Variants in CNTN5 observed in about 807,000 individuals in gnomAD.
CNTN5 encodes the protein contactin 5, also known as contactin-5.
A neutral mutation model predicts 129.1 loss-of-function variants in CNTN5; 77 were observed. The ratio of observed to expected loss-of-function variants is 0.60; its 90% CI spans 0.50 to 0.72. The LOEUF is 0.72. Ranked by LOEUF, CNTN5 falls within the 30% of genes least tolerant of loss-of-function variation. CNTN5 has a pLI of 0.00. For synonymous variants in CNTN5, 509 were observed against 465.6 expected (o/e 1.09, Z -1.20); for missense variants, 1,478 against 1,328.8 (o/e 1.11, Z -1.75).
At chr11:99,451,134 A>G (rs1944287348) in intron 2 of CNTN5, among the ~76,000 whole-genome samples, 2 of 152,096 alleles carry the variant, frequency 1.3e-5, no homozygotes, top group South Asian at 4.1e-4. Flanking sequence ...ACTCAGTGAG[A>G]CCTGAGATTA....
At chr11:99,726,012 T>G (rs1389923674) in intron 3 of CNTN5, among the ~76,000 whole-genome samples, 1 of 152,246 alleles carries the variant, frequency 6.6e-6, no homozygotes, top group African/African-American at 2.4e-5. Flanking sequence ...CTTATTTGGC[T>G]ATTCTGAAGT....
intron 1 of CNTN5, among the ~76,000 whole-genome samples, chr11:99,236,560 A>G (rs1023091667): frequency 2.6e-5 from 4 of 152,030 alleles, no homozygotes; most frequent in African/African-American, 9.7e-5. Context: ...TACTAAATTT[A>G]TAATCTAAGA....
chr11:100,152,122 G>T (rs534156751), intron 13 of CNTN5, among the ~76,000 whole-genome samples: 3 of 152,230 alleles, frequency 2.0e-5, no homozygotes, highest in African/African-American at 7.2e-5. Flanking sequence ...CCACCACCCT[G>T]TGGCTTGGCT....
At chr11:99,806,586 A>C (rs2135500642) in intron 3 of CNTN5, among the ~76,000 whole-genome samples, 1 of 152,168 alleles carries the variant, frequency 6.6e-6, no homozygotes, top group South Asian at 2.1e-4. Context: ...AGGTGGGCAG[A>C]TCATGAGGTC....
chr11:99,803,109 T>C lies in CNTN5; in HGVS notation c.56-16435T>C, dbSNP rs1160725114. On this transcript the variant is annotated intron_variant, in intron 3 of 24. Coordinates refer to ENST00000524871, the MANE Select transcript of CNTN5 (RefSeq NM_014361.4). ...GAGCAAATAGTGCCCCCCTGCACCA[T>C]GATCTGTGTCCAGAAAGGACGGGGT... 2.0e-5 allele frequency among the ~76,000 whole-genome samples: 3 copies of C among 152,094 alleles called. No homozygotes were observed. In the East Asian group the frequency reaches 5.8e-4, roughly 29 times the overall value.
At chr11:99,665,291 TAGAG>T (rs1418124191) in intron 3 of CNTN5, among the ~76,000 whole-genome samples, 2 of 152,090 alleles carry the variant, frequency 1.3e-5, no homozygotes, top group African/African-American at 4.8e-5. Context: ...TTAAGAAAGT[TAGAG>T]AGCATCTACA....
At chr11:99,936,692 G>A (rs979324889) in intron 7 of CNTN5, among the ~76,000 whole-genome samples, 1 of 152,174 alleles carries the variant, frequency 6.6e-6, no homozygotes, top group African/African-American at 2.4e-5. Flanking sequence ...GCAGCCAGAT[G>A]TGACTAAGAA....
At chr11:99,918,228 A>T (rs376070665) in intron 7 of CNTN5, among the ~76,000 whole-genome samples, 1 of 152,098 alleles carries the variant, frequency 6.6e-6, no homozygotes, top group South Asian at 2.1e-4. Context: ...TTGCTTTCGC[A>T]CACTGACATT....
intron 4 of CNTN5, among the ~76,000 whole-genome samples, chr11:99,832,717 A>G (rs1226259162): frequency 6.6e-6 from 1 of 152,178 alleles, no homozygotes; most frequent in Non-Finnish European, 1.5e-5. Context: ...TCTAGTTAAC[A>G]CTTCAAAATT....
chr11:99,638,322 T>G (rs1951640594), intron 3 of CNTN5, among the ~76,000 whole-genome samples: 1 of 152,126 alleles, frequency 6.6e-6, no homozygotes, highest in Non-Finnish European at 1.5e-5. Flanking sequence ...CATGTGGGAA[T>G]TCTGGGAGAT....
At position 99,088,495 on chromosome 11, in the gene CNTN5, A is replaced by G. The variant is rs559096198; in HGVS notation, c.-210+67225A>G. On this transcript the variant is annotated intron_variant, in intron 1 of 24. Coordinates refer to ENST00000524871, the MANE Select transcript of CNTN5 (RefSeq NM_014361.4). ...AATTAAAAGTAAAAATAAGGTATAAATCTTGAGAGGGAAATTCTGATTTTG... is the reference window on the plus strand; with the variant it reads ...AATTAAAAGTAAAAATAAGGTATAAGTCTTGAGAGGGAAATTCTGATTTTG... Among the ~76,000 whole-genome samples the G allele has an allele frequency of 2.6e-5, 4 of 152,234 alleles. No individual in the cohort carries two copies. The East Asian group carries it at 7.7e-4, about 29-fold the overall frequency.
chr11:100,029,443 C>T (rs189628119), intron 9 of CNTN5, among the ~76,000 whole-genome samples: 7 of 151,966 alleles, frequency 4.6e-5, no homozygotes, highest in African/African-American at 7.2e-5. Context: ...ATTAGCCGGG[C>T]GAGGTGGCAG....
chr11:99,235,326 G>A (rs1591395544), intron 1 of CNTN5, among the ~76,000 whole-genome samples: 1 of 151,964 alleles, frequency 6.6e-6, no homozygotes, highest in South Asian at 2.1e-4. Flanking sequence ...CACACTTAAA[G>A]CTAAACATTA....
intron 7 of CNTN5, among the ~76,000 whole-genome samples, chr11:99,945,547 T>C (rs1950537368): frequency 6.6e-6 from 1 of 151,422 alleles, no homozygotes; most frequent in South Asian, 2.1e-4. Context: ...AATAATGACA[T>C]TTTGAGCACT....
At chr11:99,141,963 G>A (rs1940506) in intron 1 of CNTN5, among the ~76,000 whole-genome samples, 89,284 of 152,040 alleles carry the variant, frequency 0.59, 26,469 homozygotes, top group African/African-American at 0.65. Flanking sequence ...ATATTCTTTC[G>A]TTGTTTGGTG....
At chr11:100,305,803 A>C (rs1951335749) in intron 20 of CNTN5, among the ~76,000 whole-genome samples, 1 of 151,566 alleles carries the variant, frequency 6.6e-6, no homozygotes, top group Admixed American at 6.6e-5. Flanking sequence ...TACATGCTGA[A>C]ATGTCTAATT....
intron 2 of CNTN5, among the ~76,000 whole-genome samples, chr11:99,552,025 A>G (rs1254518212): frequency 6.6e-6 from 1 of 150,958 alleles, no homozygotes; most frequent in Admixed American, 6.6e-5. Flanking sequence ...CTCATGTCTC[A>G]GCCTCTCAAG....
intron 1 of CNTN5, among the ~76,000 whole-genome samples, chr11:99,307,755 G>T (rs541051687): frequency 3.9e-4 from 59 of 152,086 alleles, no homozygotes; most frequent in Non-Finnish European, 7.4e-4. Flanking sequence ...CAAGTTGGAG[G>T]CCAATTTTTT....
At chr11:99,093,785 C>T (rs910303005) in intron 1 of CNTN5, among the ~76,000 whole-genome samples, 5 of 151,680 alleles carry the variant, frequency 3.3e-5, no homozygotes, top group South Asian at 2.1e-4. Flanking sequence ...CCAAATGAGG[C>T]GAGTTAGGGA....
Sources: allele counts gnomAD v4.1 joint callset (sites outside exome capture counted in the v4.1 genomes callset), GRCh38; gene constraint gnomAD v4.1.1; transcripts MANE v1.5; gene names NCBI Gene and HGNC (gene_info 2026-07-23, HGNC 2026-07-21).